Variants in EPS8 observed in about 807,000 individuals in gnomAD.
EPS8 encodes the protein EGFR pathway substrate 8, signaling adaptor.
Under a neutral mutation model 103.8 loss-of-function variants are expected in EPS8, and 42 were observed. That is an observed-to-expected ratio of 0.40 (90% CI 0.32 to 0.52). EPS8 has a LOEUF of 0.52. EPS8 is among the 20% of genes least tolerant of loss of function. EPS8 has a pLI of 0.40. For synonymous variants in EPS8, 344 were observed against 344.6 expected (o/e 1.00, Z 0.02); for missense variants, 969 against 1,005.1 (o/e 0.96, Z 0.49).
intron 7 of EPS8, among the ~76,000 whole-genome samples, chr12:15,666,208 ACT>A (rs1281545491): frequency 6.6e-6 from 1 of 152,138 alleles, no homozygotes; most frequent in Non-Finnish European, 1.5e-5. Flanking sequence ...ATCTTTCATG[ACT>A]CTGTGACTTC....
In EPS8 at chr12:15,764,604, T is replaced by G. The variant is rs1947074569; in HGVS notation, c.-22+24557A>C. Among the ~76,000 whole-genome samples, 1 of 152,170 alleles carries G rather than the reference T, an allele frequency of 6.6e-6. No individual in the cohort carries two copies. The highest frequency in any genetic ancestry group is 2.1e-4 in the South Asian group (1 of 4,828). ...TTTTATTTTCAGGGCTTGATGAAAC[T>G]TCAACCAGATAAAGTAATGTCTGAA... is the stretch of plus-strand genomic sequence containing the variant. On this transcript the variant is annotated intron_variant, in intron 1 of 20. Coordinates refer to ENST00000281172, the MANE Select transcript of EPS8 (RefSeq NM_004447.6). The surrounding 1 kb of genome is among the most constrained non-coding windows in gnomAD (Gnocchi z 4.1).
chr12:15,781,642 A>G lies in EPS8; in HGVS notation c.-22+7519T>C, dbSNP rs1947261912. 6.6e-6 allele frequency: 1 copy of G among 152,342 alleles called. No individual in the cohort carries two copies. Among genetic ancestry groups the G allele is most frequent in the Middle Eastern group, 3.4e-3 (1 of 292 alleles). The allele number at this position is 152,342 out of a possible 1,614,324, so 9.4% of individuals were successfully genotyped here. A position where few individuals can be genotyped will look rare whatever the true frequency, so the allele number is the denominator to read the frequency against. On this transcript the variant is annotated intron_variant, in intron 1 of 20. Transcript: ENST00000281172. This position sits in a 1 kb window ranked among gnomAD's most constrained non-coding sequence, Gnocchi z 4.1. The stretch of plus-strand genomic sequence containing the variant: ...CTGGTTCTAACTTTAGTGCAACATT[A>G]TAAATATTTCTAATCCTGTCCTACT...
intron 18 of EPS8, 87 bp downstream of exon 18, chr12:15,631,355 T>C (rs1945041652): frequency 3.8e-6 from 6 of 1,568,666 alleles, no homozygotes; most frequent in Admixed American, 1.8e-5. Context: ...AGGACTTTAA[T>C]ACAAGTAGAA....
chr12:15,743,848 T>C (rs562161951), intron 1 of EPS8, among the ~76,000 whole-genome samples: 3 of 152,314 alleles, frequency 2.0e-5, no homozygotes, highest in South Asian at 4.1e-4. Context: ...GCCATAGGCA[T>C]GGGCAAGGAC....
At position 15,747,584 on chromosome 12, in the gene EPS8, G is replaced by A. The variant is rs1946888009; in HGVS notation, c.-22+41577C>T. Among the ~76,000 whole-genome samples, 1 of 152,102 alleles carries A rather than the reference G, an allele frequency of 6.6e-6. No homozygotes were observed. The highest frequency in any genetic ancestry group is 1.5e-5 in the Non-Finnish European group (1 of 68,008). On this transcript the variant is annotated intron_variant, in intron 1 of 20. Transcript: ENST00000281172. This position sits in a 1 kb window ranked among gnomAD's most constrained non-coding sequence, Gnocchi z 4.4. ...CAAATGATCAAAAAAGTAACTTGGG[G>A]GGAGCCCAAAACATATTTTCCTTTC...
chr12:15,770,293 A>AG (rs1404560665), intron 1 of EPS8, among the ~76,000 whole-genome samples: 2 of 151,318 alleles, frequency 1.3e-5, no homozygotes, highest in Non-Finnish European at 2.9e-5. Flanking sequence ...TGTCTCAAAA[A>AG]AAAAAAAAAA....
chr12:15,719,838 A>G (rs1242240593), intron 1 of EPS8, among the ~76,000 whole-genome samples: 2 of 152,244 alleles, frequency 1.3e-5, no homozygotes, highest in Non-Finnish European at 1.5e-5. Flanking sequence ...GTAATTCTAA[A>G]AATGGTATCT....
At chr12:15,650,543 C>T (rs376589442) in intron 14 of EPS8, among the ~76,000 whole-genome samples, 3 of 151,506 alleles carry the variant, frequency 2.0e-5, no homozygotes, top group African/African-American at 7.3e-5. Context: ...GACTTAGGAT[C>T]GCCAGAGCCA....
chr12:15,744,648 T>C (rs1331708656), intron 1 of EPS8, among the ~76,000 whole-genome samples: 1 of 152,218 alleles, frequency 6.6e-6, no homozygotes, highest in African/African-American at 2.4e-5. Context: ...TTGAAACATG[T>C]AGAATTTGAG....
At chr12:15,740,110 A>C (rs548159670) in intron 1 of EPS8, among the ~76,000 whole-genome samples, 1 of 152,282 alleles carries the variant, frequency 6.6e-6, no homozygotes, top group East Asian at 1.9e-4. Flanking sequence ...AAATCTTGTG[A>C]GCAAAACACT....
chr12:15,783,192 C>T (rs1391222862), intron 1 of EPS8, among the ~76,000 whole-genome samples: 1 of 152,160 alleles, frequency 6.6e-6, no homozygotes, highest in Non-Finnish European at 1.5e-5. Flanking sequence ...CAAACAAAAA[C>T]TTACAATATC....
Position 15,784,378 on chromosome 12 carries a change from T to C in EPS8, c.-22+4783A>G, listed in dbSNP as rs1382399112. On this transcript the variant is annotated intron_variant, in intron 1 of 20. Coordinates refer to ENST00000281172, the MANE Select transcript of EPS8 (RefSeq NM_004447.6). The surrounding 1 kb of genome is among the most constrained non-coding windows in gnomAD (Gnocchi z 4.0). ...GAAGATGTACAGATGAAAAGGGGTA[T>C]GTGAAAAGATGTTAACATCATATGT... is the stretch of plus-strand genomic sequence containing the variant. Among the ~76,000 whole-genome samples, 1 of 152,142 alleles carries C rather than the reference T, an allele frequency of 6.6e-6. No homozygotes were observed. The highest frequency in any genetic ancestry group is 1.9e-4 in the East Asian group (1 of 5,198).
At chr12:15,686,632 A>G (rs533910033) in intron 1 of EPS8, among the ~76,000 whole-genome samples, 8 of 152,338 alleles carry the variant, frequency 5.3e-5, no homozygotes, top group African/African-American at 1.9e-4. Flanking sequence ...TATATAAAAA[A>G]TGACTAAGAA....
chr12:15,628,358 A>C (rs1413713996), intron 18 of EPS8, among the ~76,000 whole-genome samples: 3 of 152,172 alleles, frequency 2.0e-5, no homozygotes, highest in Non-Finnish European at 4.4e-5. Context: ...CAGGAAGGAC[A>C]AAAAAACCTC....
At chr12:15,755,985 T>C (rs138115774) in intron 1 of EPS8, among the ~76,000 whole-genome samples, 1,702 of 152,336 alleles carry the variant, frequency 0.011, 22 homozygotes, top group Middle Eastern at 0.044. Context: ...ATTACTCTTA[T>C]ATCTTCCTAT....
intron 14 of EPS8, among the ~76,000 whole-genome samples, chr12:15,649,621 G>C (rs1565478951): frequency 1.3e-5 from 2 of 150,220 alleles, no homozygotes; most frequent in African/African-American, 4.9e-5. Context: ...CAGCCAGAGG[G>C]AAAAAAAAAT....
chr12:15,757,968 C>A lies in EPS8; in HGVS notation c.-22+31193G>T, dbSNP rs907036738. ...CTCAACTGGAAAACTCAAAAGCCAG[C>A]GGTTGGAATCATCTGAAGGCCTATT... On this transcript the variant is annotated intron_variant, in intron 1 of 20. Coordinates refer to ENST00000281172, the MANE Select transcript of EPS8 (RefSeq NM_004447.6). This position sits in a 1 kb window ranked among gnomAD's most constrained non-coding sequence, Gnocchi z 4.1. Among the ~76,000 whole-genome samples the A allele has an allele frequency of 5.3e-5, 8 of 152,284 alleles. No homozygotes were observed. The highest frequency in any genetic ancestry group is 2.0e-4 in the Admixed American group (3 of 15,300).
At chr12:15,774,221 T>A (rs1947183920) in intron 1 of EPS8, among the ~76,000 whole-genome samples, 1 of 152,012 alleles carries the variant, frequency 6.6e-6, no homozygotes, top group Non-Finnish European at 1.5e-5. Flanking sequence ...AATGAGGAAC[T>A]AATGAATTTT....
chr12:15,627,029 C>T (rs542122408), intron 18 of EPS8, among the ~76,000 whole-genome samples: 4 of 151,916 alleles, frequency 2.6e-5, no homozygotes, highest in Admixed American at 2.0e-4. Context: ...GAGAAAGAGT[C>T]TCACTCTGTT....
Sources: gnomAD v4.1 joint callset for allele counts (sites outside exome capture counted in the v4.1 genomes callset) on GRCh38, gnomAD v4.1.1 for gene constraint, Gnocchi (gnomAD v3.1) non-coding constraint, MANE v1.5 for transcripts, NCBI Gene and HGNC (gene_info 2026-07-23, HGNC 2026-07-21) for gene names.